Variants in KSR2 observed in about 807,000 individuals in gnomAD.
KSR2 encodes kinase suppressor of ras 2.
In KSR2, 25 loss-of-function variants were observed where a neutral mutation model predicts 107.8. That is an observed-to-expected ratio of 0.23 (90% CI 0.17 to 0.32). KSR2 has a LOEUF of 0.32. KSR2 is among the 10% of genes least tolerant of loss of function. The pLI, the probability that KSR2 is intolerant of heterozygous loss-of-function variation, is 1.00. For missense variants in KSR2, 887 were observed against 1,268.9 expected (o/e 0.70, Z 4.57); for synonymous variants, 480 against 507.0 (o/e 0.95, Z 0.71).
rs560725953 is a variant in KSR2, at chr12:117,806,999, C to A, written c.473-45475G>T. Among the ~76,000 whole-genome samples, 8 of 152,292 alleles carry A rather than the reference C, an allele frequency of 5.3e-5. No individual in the cohort carries two copies. In the South Asian group the frequency reaches 1.7e-3, roughly 32 times the overall value. ...CCTGTCAGGATCCATTACGGAGGGA[C>A]AAGGATGGAGACACAGGCGCCTGTT... On this transcript the variant is annotated intron_variant, in intron 3 of 19. Transcript: ENST00000339824.
chr12:117,774,699 G>C (rs149645246), intron 3 of KSR2, among the ~76,000 whole-genome samples: 1 of 152,302 alleles, frequency 6.6e-6, no homozygotes, highest in East Asian at 1.9e-4. Flanking sequence ...CCATTTCAAA[G>C]TACAGAATTC....
At chr12:117,632,471 C>G (rs534609521) in intron 5 of KSR2, among the ~76,000 whole-genome samples, 10 of 152,156 alleles carry the variant, frequency 6.6e-5, no homozygotes, top group African/African-American at 2.4e-4. Context: ...CATGATCAAC[C>G]TGCCTCGGCC....
chr12:117,956,163 T>C (rs934370651), intron 1 of KSR2, among the ~76,000 whole-genome samples: 6 of 136,640 alleles, frequency 4.4e-5, no homozygotes, highest in African/African-American at 1.7e-4. Flanking sequence ...GGCAGGAGAA[T>C]GGCATGAACC....
chr12:117,792,927 C>T (rs189587511), intron 3 of KSR2, among the ~76,000 whole-genome samples: 2 of 151,314 alleles, frequency 1.3e-5, no homozygotes, highest in East Asian at 3.9e-4. Flanking sequence ...CACACCCTCA[C>T]ACCAACATGC....
At chr12:117,555,331 TCACTTTGTCTTTGGTTATGC>T in intron 8 of KSR2, 38 bp from the exon 9 acceptor site, 1 of 1,611,202 alleles carries the variant, frequency 6.2e-7, no homozygotes, top group Non-Finnish European at 8.5e-7. Flanking sequence ...AGTTTAAGTA[TCACTTTGTCTTTGGTTATGC>T]CAGGACGGCA....
At chr12:117,668,925 T>C (rs1371906306) in intron 4 of KSR2, among the ~76,000 whole-genome samples, 1 of 152,108 alleles carries the variant, frequency 6.6e-6, no homozygotes, top group East Asian at 1.9e-4. Flanking sequence ...AATTTAAATA[T>C]TTGTTGAATG....
At chr12:117,591,457 T>C (rs974750504) in intron 5 of KSR2, among the ~76,000 whole-genome samples, 32 of 151,820 alleles carry the variant, frequency 2.1e-4, no homozygotes, top group African/African-American at 6.1e-4. Flanking sequence ...TAAGTTACAA[T>C]TGGAGGCAGT....
chr12:117,618,704 C>T (rs1882012751), intron 5 of KSR2, among the ~76,000 whole-genome samples: 1 of 152,192 alleles, frequency 6.6e-6, no homozygotes, highest in Non-Finnish European at 1.5e-5. Flanking sequence ...TCATTTGGTT[C>T]TCTCATTCTC....
At chr12:117,548,711 T>A (rs1239120852) in intron 9 of KSR2, among the ~76,000 whole-genome samples, 2 of 152,174 alleles carry the variant, frequency 1.3e-5, no homozygotes, top group Non-Finnish European at 2.9e-5. Context: ...AATTACTCCA[T>A]CTTCCTGGAA....
intron 1 of KSR2, among the ~76,000 whole-genome samples, chr12:117,945,106 T>C (rs940023724): frequency 6.6e-6 from 1 of 151,790 alleles, no homozygotes; most frequent in African/African-American, 2.4e-5. Context: ...AATGGATAAA[T>C]CCACAATTAC....
intron 1 of KSR2, among the ~76,000 whole-genome samples, chr12:117,917,737 C>A (rs1895225547): frequency 6.6e-6 from 1 of 152,004 alleles, no homozygotes. Context: ...GGATATATTA[C>A]AATATGGTCA....
intron 6 of KSR2, 101 bp from the exon 7 acceptor site, chr12:117,579,303 T>TG: frequency 1.2e-6 from 1 of 815,128 alleles, no homozygotes; most frequent in Middle Eastern, 2.2e-4. Flanking sequence ...GAACCCTGGA[T>TG]TCCAGTCCTG....
intron 4 of KSR2, among the ~76,000 whole-genome samples, chr12:117,717,540 A>G (rs989024767): frequency 6.6e-6 from 1 of 152,094 alleles, no homozygotes. Flanking sequence ...ATAAAAATTA[A>G]AAAAAGAGGG....
chr12:117,954,296 A>C (rs151003195), intron 1 of KSR2, among the ~76,000 whole-genome samples: 2 of 152,258 alleles, frequency 1.3e-5, no homozygotes, highest in Admixed American at 6.5e-5. Flanking sequence ...AGAGTTTTTA[A>C]CTCTTCACCA....
intron 3 of KSR2, among the ~76,000 whole-genome samples, chr12:117,825,250 A>T (rs921990546): frequency 1.3e-5 from 2 of 152,144 alleles, no homozygotes; most frequent in Admixed American, 1.3e-4. Flanking sequence ...ACACAGATGG[A>T]CATAAGATGG....
At chr12:117,531,521 A>C (rs981036137) in intron 11 of KSR2, 145 bp downstream of exon 11, 1 of 676,894 alleles carries the variant, frequency 1.5e-6, no homozygotes, top group African/African-American at 1.9e-5. Flanking sequence ...TTCCATGTTC[A>C]GCCATTATCC....
chr12:117,879,387 A>G (rs1334462531), intron 1 of KSR2, among the ~76,000 whole-genome samples: 2 of 152,234 alleles, frequency 1.3e-5, no homozygotes, highest in African/African-American at 4.8e-5. Context: ...TATGTACAAT[A>G]TTATTAATAG....
intron 5 of KSR2, among the ~76,000 whole-genome samples, chr12:117,637,087 A>C (rs1315203438): frequency 6.6e-6 from 1 of 151,024 alleles, no homozygotes; most frequent in Admixed American, 6.6e-5. Context: ...ATGCAAACTG[A>C]AATTAAACTG....
At chr12:117,677,883 C>T (rs550352774) in intron 4 of KSR2, among the ~76,000 whole-genome samples, 3 of 152,140 alleles carry the variant, frequency 2.0e-5, no homozygotes, top group Admixed American at 1.3e-4. Flanking sequence ...AACAACAAGC[C>T]TTGCAGGTGG....
Sources: allele counts gnomAD v4.1 joint callset (sites outside exome capture counted in the v4.1 genomes callset), GRCh38; gene constraint gnomAD v4.1.1; transcripts MANE v1.5; gene names NCBI Gene and HGNC (gene_info 2026-07-23, HGNC 2026-07-21).